The following PAX8 variants were observed in gnomAD, a reference collection of about 807,000 sequenced individuals.
PAX8 encodes paired box protein Pax-8.
In PAX8, 15 loss-of-function variants were observed where a neutral mutation model predicts 52.4. The observed-to-expected ratio is 0.29, with a 90% CI of 0.19 to 0.44. PAX8 has a LOEUF of 0.44. PAX8 is among the 20% of genes least tolerant of loss of function. The pLI is 1.00. For missense variants in PAX8, 554 were observed against 602.5 expected (o/e 0.92, Z 0.84); for synonymous variants, 284 against 249.7 (o/e 1.14, Z -1.29).
At chr2:113,270,575 G>A (rs1411876855) in intron 2 of PAX8, 1 of 152,162 alleles carries the variant, frequency 6.6e-6, no homozygotes, top group African/African-American at 2.4e-5. Flanking sequence ...AGAATAATAA[G>A]TTCTACTGTC....
chr2:113,276,553 T>C (rs1184070424), intron 2 of PAX8: 2 of 152,162 alleles, frequency 1.3e-5, no homozygotes, highest in African/African-American at 4.8e-5. Flanking sequence ...TCTGGGACTG[T>C]TCCTGATTAA....
chr2:113,254,838 C>T (rs180892007), intron 2 of PAX8, among the ~76,000 whole-genome samples: 75 of 152,302 alleles, frequency 4.9e-4, no homozygotes, highest in Admixed American at 7.8e-4. Context: ...CCCGTCCTCA[C>T]CTTCTCCAGA....
chr2:113,250,844 A>G lies in PAX8; in HGVS notation c.26-3925T>C, dbSNP rs181773634. ...AGGAACTTCGAACCTTTTGGGGGAT[A>G]TGATAAGACACATTAGGAATCACCA... On this transcript the variant is annotated intron_variant, in intron 2 of 11. Transcript: ENST00000429538. 6.6e-5 allele frequency: 10 copies of G among 152,380 alleles called. No individual in the cohort carries two copies. In the East Asian group the frequency reaches 1.7e-3, roughly 26 times the overall value. The allele number at this position is 152,380 out of a possible 1,614,324, so 9.4% of individuals were successfully genotyped here. A position where few individuals can be genotyped will look rare whatever the true frequency, so the allele number is the denominator to read the frequency against.
At chr2:113,237,786 C>T (rs1412936015) in intron 7 of PAX8, 1 of 152,248 alleles carries the variant, frequency 6.6e-6, no homozygotes, top group Admixed American at 6.5e-5. Flanking sequence ...TCGTCACATA[C>T]CTGCTACGTG....
At chr2:113,272,567 C>T (rs1361846079) in intron 2 of PAX8, 2 of 152,212 alleles carry the variant, frequency 1.3e-5, no homozygotes, top group East Asian at 3.9e-4. Context: ...GGGTCACTGA[C>T]CACTGACTGG....
chr2:113,258,071 T>G (rs1692389744), intron 2 of PAX8, among the ~76,000 whole-genome samples: 1 of 152,186 alleles, frequency 6.6e-6, no homozygotes, highest in South Asian at 2.1e-4. Flanking sequence ...AGCACTGTAT[T>G]CCAGGAATAG....
At position 113,242,237 on chromosome 2, in the gene PAX8, G is replaced by A. The variant is rs539345826; in HGVS notation, c.479-107C>T. The A allele has an allele frequency of 4.5e-6, 4 of 894,760 alleles. 1 individual carries two copies. The highest frequency in any genetic ancestry group is 3.0e-5 in the South Asian group (2 of 66,008). 55.4% of individuals were successfully genotyped at this position (894,760 alleles called of 1,614,324 possible). A position where few individuals can be genotyped will look rare whatever the true frequency, so the allele number is the denominator to read the frequency against. ...GAGCTGGGGACTGCAGGGGCTGGGG[G>A]AGAGGGAGAGGAGCAAGGGGTGGGA... On this transcript the variant is annotated intron_variant, in intron 5 of 11. Transcript: ENST00000429538.
chr2:113,232,235 C>T (rs561274032), intron 9 of PAX8, among the ~76,000 whole-genome samples: 1 of 152,332 alleles, frequency 6.6e-6, no homozygotes, highest in African/African-American at 2.4e-5. Flanking sequence ...CAGGCCAACA[C>T]CCTGAGCTCA....
At chr2:113,227,033 T>G in intron 10 of PAX8, 122 bp downstream of exon 10, 1 of 1,533,994 alleles carries the variant, frequency 6.5e-7, no homozygotes. Context: ...CTTTGGTCCA[T>G]CCTTCAATGC....
At chr2:113,221,464 A>G (rs1001173640) in intron 10 of PAX8, among the ~76,000 whole-genome samples, 9 of 152,172 alleles carry the variant, frequency 5.9e-5, no homozygotes, top group Non-Finnish European at 4.4e-5. Flanking sequence ...AAACTTGGAC[A>G]AGTCACTTAG....
At chr2:113,233,620 G>A (rs1419240435) in intron 9 of PAX8, among the ~76,000 whole-genome samples, 1 of 150,806 alleles carries the variant, frequency 6.6e-6, no homozygotes, top group Non-Finnish European at 1.5e-5. Flanking sequence ...GGAGGTTGCA[G>A]TGAGCTGAGA....
intron 2 of PAX8, among the ~76,000 whole-genome samples, chr2:113,257,222 G>T (rs1692327999): frequency 6.6e-6 from 1 of 152,156 alleles, no homozygotes; most frequent in African/African-American, 2.4e-5. Flanking sequence ...GTTCTGGGAT[G>T]CCTGGAGGGG....
chr2:113,276,807 G>A (rs1481924199), intron 2 of PAX8, among the ~76,000 whole-genome samples: 1 of 152,198 alleles, frequency 6.6e-6, no homozygotes, highest in Non-Finnish European at 1.5e-5. Flanking sequence ...GTCAGGGGAA[G>A]GTTAGGAGGA....
intron 2 of PAX8, among the ~76,000 whole-genome samples, chr2:113,249,135 G>A (rs1422116229): frequency 1.3e-5 from 2 of 152,218 alleles, no homozygotes; most frequent in Non-Finnish European, 2.9e-5. Flanking sequence ...GCCTGTCCAG[G>A]CAAGTCTTCC....
chr2:113,242,851 C>T (rs1690978886), intron 4 of PAX8, 73 bp from the exon 5 acceptor site: 29 of 1,219,664 alleles, frequency 2.4e-5, no homozygotes, highest in Non-Finnish European at 3.2e-5. Context: ...CAGACCCAGT[C>T]GCCTTTTTGA....
Position 113,259,901 on chromosome 2 carries a change from G to A in PAX8, c.26-12982C>T, listed in dbSNP as rs564862786. 1.8e-4 allele frequency among the ~76,000 whole-genome samples: 27 copies of A among 152,324 alleles called. 1 individual carries two copies. The highest frequency in any genetic ancestry group is 3.4e-4 in the African/African-American group (14 of 41,578). On this transcript the variant is annotated intron_variant, in intron 2 of 11. Transcript: ENST00000429538. ...CAGAAGGAAGGTCCAGGGTCTCTGCGTTTGGGGAGGGAAACAGGCAAGGCA... is the reference window on the plus strand; with the variant it reads ...CAGAAGGAAGGTCCAGGGTCTCTGCATTTGGGGAGGGAAACAGGCAAGGCA...
intron 2 of PAX8, among the ~76,000 whole-genome samples, chr2:113,261,104 A>G (rs1413493877): frequency 6.6e-6 from 1 of 152,152 alleles, no homozygotes; most frequent in African/African-American, 2.4e-5. Flanking sequence ...GAAGGAGATT[A>G]TCCACTCTAA....
intron 10 of PAX8, chr2:113,226,158 G>T: frequency 1.0e-6 from 1 of 985,426 alleles, no homozygotes; most frequent in Non-Finnish European, 1.2e-6. Context: ...CTCTGCATAG[G>T]GTGCCCAGAG....
intron 9 of PAX8, among the ~76,000 whole-genome samples, chr2:113,234,970 T>G (rs931638795): frequency 1.6e-4 from 25 of 152,250 alleles, no homozygotes; most frequent in Non-Finnish European, 2.9e-5. Flanking sequence ...TGAAGATAGC[T>G]GCATCATGGA....
Sources: gnomAD v4.1 joint callset for allele counts (sites outside exome capture counted in the v4.1 genomes callset) on GRCh38, gnomAD v4.1.1 for gene constraint, MANE v1.5 for transcripts, NCBI Gene and HGNC (gene_info 2026-07-23, HGNC 2026-07-21) for gene names.